The following BPNT1 variants were observed in gnomAD, a reference collection of about 807,000 sequenced individuals.
BPNT1 encodes 3'(2'),5'-bisphosphate nucleotidase 1.
BPNT1 carries 28 observed loss-of-function variants against 36.9 expected under a neutral mutation model. The observed-to-expected ratio is 0.76, with a 90% CI of 0.56 to 1.04. The LOEUF (loss-of-function observed/expected upper bound fraction) is 1.04. Among genes scored for constraint, BPNT1 ranks in the 50% least tolerant of loss-of-function variants. The pLI is 0.00. For synonymous variants in BPNT1, 119 were observed against 130.9 expected (o/e 0.91, Z 0.62); for missense variants, 313 against 372.9 (o/e 0.84, Z 1.32).
intron 1 of BPNT1, among the ~76,000 whole-genome samples, chr1:220,085,027 T>G (rs1655581371): frequency 6.6e-6 from 1 of 152,106 alleles, no homozygotes; most frequent in Non-Finnish European, 1.5e-5. Flanking sequence ...CTTAATCGTT[T>G]TCTTAACTAT....
rs564017946 is a variant in BPNT1, at chr1:220,073,961, G to A, written c.225+6C>T. ...ATTTTAAAAAAATGTCTCTGATGAC[G>A]CTTACCTCTTCCCCTATAATTGTGA... On this transcript the variant is annotated splice_donor_region_variant and intron_variant, in intron 3 of 8. Coordinates refer to ENST00000322067, the MANE Select transcript of BPNT1 (RefSeq NM_006085.6). The A allele has an allele frequency of 6.3e-5, 101 of 1,611,760 alleles. No homozygotes were observed. The East Asian group carries it at 1.4e-3, about 22-fold the overall frequency.
intron 1 of BPNT1, among the ~76,000 whole-genome samples, chr1:220,082,085 T>TATATATATATATAGAGAG (rs1171093697): frequency 1.9e-5 from 2 of 103,280 alleles, no homozygotes; most frequent in African/African-American, 7.6e-5. Flanking sequence ...TATATATATA[T>TATATATATATATAGAGAG]AGAGAGAGAG....
At chr1:220,079,599 C>T in intron 2 of BPNT1, 128 bp downstream of exon 2, 1 of 1,163,326 alleles carries the variant, frequency 8.6e-7, no homozygotes, top group Non-Finnish European at 1.2e-6. Context: ...AACCAAGCGT[C>T]TTGCAGTCTC....
Position 220,058,639 on chromosome 1 carries a change from C to G in BPNT1, c.*205G>C. The G allele has an allele frequency of 1.3e-6, 1 of 768,556 alleles. No individual in the cohort carries two copies. The highest frequency in any genetic ancestry group is 1.8e-6 in the Non-Finnish European group (1 of 543,918). The allele number at this position is 768,556 out of a possible 1,614,324, so 47.6% of individuals were successfully genotyped here. On this transcript the variant is annotated 3_prime_UTR_variant, in exon 9 of 9. Transcript: ENST00000322067. The stretch of plus-strand genomic sequence containing the variant: ...CTCTGCCTTCCGGGCTCAAGAGATT[C>G]TTCTGCTTCAGCCTCTCAAGTAGCT...
intron 1 of BPNT1, among the ~76,000 whole-genome samples, chr1:220,083,377 C>G (rs1304975257): frequency 6.6e-6 from 1 of 151,040 alleles, no homozygotes; most frequent in Non-Finnish European, 1.5e-5. Flanking sequence ...CAGGCTGGCG[C>G]GATCTCGGCT....
chr1:220,085,836 T>C (rs1655666337), intron 1 of BPNT1, among the ~76,000 whole-genome samples: 2 of 152,236 alleles, frequency 1.3e-5, no homozygotes, highest in African/African-American at 2.4e-5. Context: ...GAGAAGTCTT[T>C]ACAACTGCCA....
chr1:220,082,331 C>T lies in BPNT1; in HGVS notation c.-8-2477G>A, dbSNP rs377112556. Among the ~76,000 whole-genome samples the T allele has an allele frequency of 5.8e-4, 88 of 151,554 alleles. 2 individuals carry two copies. In the South Asian group the frequency reaches 0.018, roughly 31 times the overall value. Reference sequence around the variant, plus strand: ...GAGTAGCTGGGATTATAGGTGCCTGCTACCACACTCGGCTAATTTTTGTAT... The same window carrying T: ...GAGTAGCTGGGATTATAGGTGCCTGTTACCACACTCGGCTAATTTTTGTAT... On this transcript the variant is annotated intron_variant, in intron 1 of 8. Transcript: ENST00000322067.
At chr1:220,065,391 A>C (rs1048806156) in intron 6 of BPNT1, among the ~76,000 whole-genome samples, 2 of 152,094 alleles carry the variant, frequency 1.3e-5, no homozygotes, top group African/African-American at 4.8e-5. Flanking sequence ...TAAAGGCGAA[A>C]ATTTTCTGAC....
intron 6 of BPNT1, chr1:220,066,212 C>A: frequency 1.3e-6 from 1 of 798,240 alleles, no homozygotes; most frequent in South Asian, 2.3e-5. Flanking sequence ...TGAAAGGTAC[C>A]GTGCATTACA....
chr1:220,082,669 C>A (rs1226226376), intron 1 of BPNT1, among the ~76,000 whole-genome samples: 2 of 152,008 alleles, frequency 1.3e-5, no homozygotes, highest in African/African-American at 2.4e-5. Flanking sequence ...TCGCTGCAAC[C>A]TCTGTCTCCC....
intron 5 of BPNT1, among the ~76,000 whole-genome samples, chr1:220,069,059 C>T (rs1280046069): frequency 2.0e-5 from 3 of 152,042 alleles, no homozygotes; most frequent in Non-Finnish European, 4.4e-5. Flanking sequence ...CAGTTGTACT[C>T]GTTATCGTTT....
At chr1:220,088,865 C>T (rs1258336877) in intron 1 of BPNT1, among the ~76,000 whole-genome samples, 3 of 150,726 alleles carry the variant, frequency 2.0e-5, no homozygotes, top group Non-Finnish European at 4.4e-5. Context: ...TTTGGGAGGC[C>T]GAGACGGGCA....
chr1:220,081,757 A>G (rs1338739939), intron 1 of BPNT1, among the ~76,000 whole-genome samples: 1 of 151,832 alleles, frequency 6.6e-6, no homozygotes, highest in Non-Finnish European at 1.5e-5. Flanking sequence ...TTTAAAGGCC[A>G]TTTCCTACCC....
intron 1 of BPNT1, among the ~76,000 whole-genome samples, chr1:220,082,085 T>TATATATATATATAGAG (rs1171093697): frequency 2.9e-5 from 3 of 103,280 alleles, no homozygotes; most frequent in African/African-American, 1.1e-4. Flanking sequence ...TATATATATA[T>TATATATATATATAGAG]AGAGAGAGAG....
At chr1:220,063,276 A>C (rs1663229914) in intron 6 of BPNT1, among the ~76,000 whole-genome samples, 1 of 152,150 alleles carries the variant, frequency 6.6e-6, no homozygotes, top group South Asian at 2.1e-4. Flanking sequence ...TGAACCTGGG[A>C]GGTGGAGGTT....
chr1:220,087,560 AAATC>A (rs954292551), intron 1 of BPNT1, among the ~76,000 whole-genome samples: 1 of 152,176 alleles, frequency 6.6e-6, no homozygotes, highest in Non-Finnish European at 1.5e-5. Flanking sequence ...TTCCGTCTCA[AAATC>A]AATCAATCAA....
intron 2 of BPNT1, among the ~76,000 whole-genome samples, chr1:220,075,640 C>T (rs1189477717): frequency 1.3e-5 from 2 of 152,182 alleles, no homozygotes; most frequent in African/African-American, 4.8e-5. Context: ...ACATTGAAAG[C>T]CATTCCACTA....
intron 4 of BPNT1, among the ~76,000 whole-genome samples, chr1:220,072,364 A>G (rs1362264631): frequency 6.9e-6 from 1 of 145,384 alleles, no homozygotes; most frequent in Non-Finnish European, 1.5e-5. Context: ...TCCGTCTCAG[A>G]AAAAAAAAAA....
At chr1:220,061,686 G>A (rs918612642) in intron 7 of BPNT1, among the ~76,000 whole-genome samples, 1 of 152,056 alleles carries the variant, frequency 6.6e-6, no homozygotes, top group Non-Finnish European at 1.5e-5. Context: ...TAGTAAAACA[G>A]GGAGAGAAAC....
Sources: gnomAD v4.1 joint callset for allele counts (sites outside exome capture counted in the v4.1 genomes callset) on GRCh38, gnomAD v4.1.1 for gene constraint, MANE v1.5 for transcripts, NCBI Gene and HGNC (gene_info 2026-07-23, HGNC 2026-07-21) for gene names.